STAT6: variants seen among roughly 807,000 people sequenced by gnomAD.
The protein encoded by STAT6 is signal transducer and activator of transcription 6, also known as STAT, interleukin4-induced.
A neutral mutation model predicts 106.3 loss-of-function variants in STAT6; 45 were observed. The observed-to-expected ratio is 0.42, with a 90% CI of 0.33 to 0.54. The LOEUF (loss-of-function observed/expected upper bound fraction) is 0.54, where lower values mean the gene tolerates loss of function less well. Among genes scored for constraint, STAT6 ranks in the 20% least tolerant of loss-of-function variants. STAT6 has a pLI of 0.06. For missense variants in STAT6, 797 were observed against 1,062.2 expected (o/e 0.75, Z 3.47); for synonymous variants, 413 against 413.6 (o/e 1.00, Z 0.02).
chr12:57,110,775 T>G (rs767512277), intron 1 of STAT6, among the ~76,000 whole-genome samples: 1 of 151,942 alleles, frequency 6.6e-6, no homozygotes, highest in Non-Finnish European at 1.5e-5. Flanking sequence ...TTAACAAGGA[T>G]CCACTGCCCT....
chr12:57,107,877 C>A, intron 2 of STAT6, 134 bp from the exon 3 acceptor site: 1 of 1,280,878 alleles, frequency 7.8e-7, no homozygotes, highest in South Asian at 1.5e-5. Flanking sequence ...GTAGCTTTCA[C>A]CCATGCGCCT....
chr12:57,096,658 C>T lies in STAT6; in HGVS notation c.2458G>A (p.Ala820Thr), dbSNP rs1437452420. Residue 820 changes from alanine (A) to threonine (T), a missense_variant, in exon 22 of 22, where the codon GCA (alanine) becomes ACA (threonine). Transcript: ENST00000300134. Reference sequence around the variant, plus strand: ...TGGGAGGGCTGCAGGAGGGGCTGTGCCCCCAAGGACCCTCCCCCCGACTCC... The same window carrying T: ...TGGGAGGGCTGCAGGAGGGGCTGTGTCCCCAAGGACCCTCCCCCCGACTCC... The part of the protein sequence containing the change: ...QGESGGGSLG[A>T]QPLLQPSHYG... 2 of 1,604,024 alleles carry T rather than the reference C, an allele frequency of 1.2e-6. No homozygotes were observed. The highest frequency in any genetic ancestry group is 1.7e-6 in the Non-Finnish European group (2 of 1,176,984).
At position 57,096,046 on chromosome 12, in the gene STAT6, C is replaced by G. The variant is rs1007106171; in HGVS notation, c.*526G>C. 1.3e-5 allele frequency: 2 copies of G among 154,514 alleles called. No individual in the cohort carries two copies. The highest frequency in any genetic ancestry group is 4.8e-5 in the African/African-American group (2 of 41,520). 9.6% of individuals were successfully genotyped at this position (154,514 alleles called of 1,614,324 possible). On this transcript the variant is annotated 3_prime_UTR_variant, in exon 22 of 22. Transcript: ENST00000300134. ...GTACTAGTAACCACATGTCCAGACC[C>G]CTCCTATGCTCCCACCCAGGGTCCC...
In STAT6 at chr12:57,096,849, C is replaced by T. The variant is rs1258964591; in HGVS notation, c.2354+1G>A. ...GCCTCCACTCCCAAGCTGCCACTCA[C>T]CAAGTGCCCTGAGGAAACGCTGTCA... is the stretch of plus-strand genomic sequence containing the variant. On this transcript the variant is annotated splice_donor_variant, in intron 21 of 21. Coordinates refer to ENST00000300134, the MANE Select transcript of STAT6 (RefSeq NM_003153.5). LOFTEE classifies it high-confidence loss of function. 6.2e-7 allele frequency: 1 copy of T among 1,614,170 alleles called. No homozygotes were observed. Among genetic ancestry groups the T allele is most frequent in the Non-Finnish European group, 8.5e-7 (1 of 1,180,022 alleles).
intron 1 of STAT6, 35 bp from the exon 2 acceptor site, chr12:57,108,334 C>T (rs1303605621): frequency 3.3e-6 from 4 of 1,196,738 alleles, no homozygotes; most frequent in Admixed American, 2.0e-5. Context: ...CTGAGGGGTG[C>T]CCAAGAAACT....
In STAT6 at chr12:57,105,774, G is replaced by A; in HGVS notation, c.681-175C>T. 2.6e-6 allele frequency: 3 copies of A among 1,139,906 alleles called. No individual in the cohort carries two copies. In the Admixed American group the frequency reaches 8.7e-5, roughly 33 times the overall value. 70.6% of individuals were successfully genotyped at this position (1,139,906 alleles called of 1,614,324 possible). A position where few individuals can be genotyped will look rare whatever the true frequency, so the allele number is the denominator to read the frequency against. On this transcript the variant is annotated intron_variant, in intron 7 of 21. Transcript: ENST00000300134. ...GGGTTCTGTGATCTGTTGGCCTAGG[G>A]TCTGGGTGGGAGGTTCATTCTCAGT...
chr12:57,098,139 C>T (rs1031485721), intron 19 of STAT6, among the ~76,000 whole-genome samples: 5 of 152,176 alleles, frequency 3.3e-5, no homozygotes, highest in Non-Finnish European at 7.3e-5. Context: ...AAGTGATCCA[C>T]GACTGGACTT....
At chr12:57,104,438 T>A in intron 11 of STAT6, 26 bp downstream of exon 11, 1 of 1,596,460 alleles carries the variant, frequency 6.3e-7, no homozygotes, top group Non-Finnish European at 8.5e-7. Context: ...GGTCCCAGAT[T>A]GGGGCAGGGC....
Position 57,105,162 on chromosome 12 carries a change from A to C in STAT6, c.990T>G (p.Pro330=). The change falls in exon 9 of 22, where the codon CCT becomes CCG. Residue 330 remains proline (P), a synonymous_variant. Transcript: ENST00000300134. Reference sequence around the variant, plus strand: ...CAATCCCAGCTTACGCTCCAGCCCCAGGACCCTGAGGCACACTCAGCTCCC... The same window carrying C: ...CAATCCCAGCTTACGCTCCAGCCCCCGGACCCTGAGGCACACTCAGCTCCC... The part of the protein sequence containing the change: ...QARELSVPQG[P]GAGAESTGEI... 2 of 1,611,928 alleles carry C rather than the reference A, an allele frequency of 1.2e-6. No homozygotes were observed. The highest frequency in any genetic ancestry group is 8.5e-7 in the Non-Finnish European group (1 of 1,178,894).
chr12:57,107,452 T>G, intron 3 of STAT6, 138 bp from the exon 4 acceptor site: 2 of 1,319,464 alleles, frequency 1.5e-6, no homozygotes, highest in Non-Finnish European at 2.1e-6. Context: ...TGCATTTGCA[T>G]GCTTTTAAAA....
At chr12:57,107,054 T>C (rs1028825718) in intron 4 of STAT6, among the ~76,000 whole-genome samples, 177 bp downstream of exon 4, 2 of 152,176 alleles carry the variant, frequency 1.3e-5, no homozygotes, top group African/African-American at 4.8e-5. Flanking sequence ...CAGTCCCTCA[T>C]AGAAAGATTC....
intron 17 of STAT6, 56 bp from the exon 18 acceptor site, chr12:57,098,958 T>C: frequency 6.2e-7 from 1 of 1,613,272 alleles, no homozygotes; most frequent in South Asian, 1.1e-5. Context: ...CACCCCTCCT[T>C]CCTGCAGATA....
At chr12:57,106,140 C>G (rs765042915) in intron 7 of STAT6, 51 bp downstream of exon 7, 3 of 1,608,362 alleles carry the variant, frequency 1.9e-6, no homozygotes. Context: ...TCAGCAGGGT[C>G]AGCTGCCCAC....
intron 19 of STAT6, 171 bp from the exon 20 acceptor site, chr12:57,097,304 T>G: frequency 2.1e-6 from 1 of 469,658 alleles, no homozygotes; most frequent in Non-Finnish European, 3.6e-6. Flanking sequence ...CTGTAAAATG[T>G]GCGTGTTATG....
At position 57,098,848 on chromosome 12, in the gene STAT6, A is replaced by G. The variant is rs1239322718; in HGVS notation, c.2010T>C (p.Tyr670=). The G allele has an allele frequency of 4.3e-6, 7 of 1,613,486 alleles. No homozygotes were observed. Among genetic ancestry groups the G allele is most frequent in the Non-Finnish European group, 5.9e-6 (7 of 1,179,800 alleles). ...AGGAATCAGGGGCCATTCCAAGGTCATAAGAAGGCACCATGGTAGGCATCT... is the reference window on the plus strand; with the variant it reads ...AGGAATCAGGGGCCATTCCAAGGTCGTAAGAAGGCACCATGGTAGGCATCT... ...ELQMPTMVPS[Y]DLGMAPDSSM... is the part of the protein sequence containing the mutation. Residue 670 remains tyrosine, a synonymous_variant, in exon 18 of 22, where the codon TAT becomes TAC. Coordinates refer to ENST00000300134, the MANE Select transcript of STAT6 (RefSeq NM_003153.5).
chr12:57,096,763 T>G lies in STAT6; in HGVS notation c.2355-2A>C. On this transcript the variant is annotated splice_acceptor_variant, in intron 21 of 21. Transcript: ENST00000300134. LOFTEE classifies it high-confidence loss of function. The stretch of plus-strand genomic sequence containing the variant: ...GGAGGGAATATGTCTTCACCAATCC[T>G]GCAAGGAGATGGGAGAAGCAGTGGA... 6.2e-7 allele frequency: 1 copy of G among 1,613,276 alleles called. No homozygotes were observed. Among genetic ancestry groups the G allele is most frequent in the Non-Finnish European group, 8.5e-7 (1 of 1,179,674 alleles).
intron 7 of STAT6, 74 bp from the exon 8 acceptor site, chr12:57,105,673 C>G: frequency 5.8e-6 from 9 of 1,538,702 alleles, no homozygotes; most frequent in Non-Finnish European, 7.9e-6. Flanking sequence ...TTCCCCTATA[C>G]CCAGGGAGAA....
chr12:57,109,232 T>A (rs2034454141), intron 1 of STAT6, among the ~76,000 whole-genome samples: 1 of 151,612 alleles, frequency 6.6e-6, no homozygotes, highest in African/African-American at 2.4e-5. Flanking sequence ...TGAAATAAAA[T>A]AAAAATGAAA....
Position 57,099,156 on chromosome 12 carries a change from T to A in STAT6, c.1892-78A>T, listed in dbSNP as rs1178227674. The A allele has an allele frequency of 1.2e-6, 2 of 1,601,466 alleles. No homozygotes were observed. The highest frequency in any genetic ancestry group is 1.7e-6 in the Non-Finnish European group (2 of 1,170,060). ...GGGAGGTGGAAAAGGTGGGCATGGA[T>A]CATGGGGAAGTAAGAGAAGCACAGC... On this transcript the variant is annotated intron_variant, in intron 16 of 21. Coordinates refer to ENST00000300134, the MANE Select transcript of STAT6 (RefSeq NM_003153.5). The surrounding 1 kb of genome is among the most constrained non-coding windows in gnomAD (Gnocchi z 4.7).
Sources: allele counts gnomAD v4.1 joint callset (sites outside exome capture counted in the v4.1 genomes callset), GRCh38; gene constraint gnomAD v4.1.1; non-coding constraint Gnocchi (gnomAD v3.1); transcripts MANE v1.5; gene names NCBI Gene and HGNC (gene_info 2026-07-23, HGNC 2026-07-21).